The following KCNAB1 variants were observed in gnomAD, a reference collection of about 807,000 sequenced individuals.
KCNAB1 encodes the protein potassium voltage-gated channel subfamily A regulatory beta subunit 1.
KCNAB1 carries 35 observed loss-of-function variants against 64.6 expected under a neutral mutation model. The ratio of observed to expected loss-of-function variants is 0.54; its 90% confidence interval spans 0.41 to 0.72. The LOEUF (loss-of-function observed/expected upper bound fraction) is 0.72. Ranked by LOEUF, KCNAB1 falls within the 30% of genes least tolerant of loss-of-function variation. The pLI, the probability that KCNAB1 is intolerant of heterozygous loss-of-function variation, is 0.00. For synonymous variants in KCNAB1, 177 were observed against 183.8 expected (o/e 0.96, Z 0.30); for missense variants, 401 against 512.9 (o/e 0.78, Z 2.11).
intron 1 of KCNAB1, among the ~76,000 whole-genome samples, chr3:156,151,429 GTTAT>G (rs571965583): frequency 1.4e-3 from 216 of 152,258 alleles, no homozygotes; most frequent in African/African-American, 5.0e-3. Flanking sequence ...GGGAGTACAG[GTTAT>G]TTTTAGACAA....
chr3:156,465,893 G>A (rs1040288899), intron 7 of KCNAB1, among the ~76,000 whole-genome samples: 3 of 152,106 alleles, frequency 2.0e-5, no homozygotes, highest in African/African-American at 4.8e-5. Context: ...AGGCAAAATT[G>A]TATAGAACTC....
At chr3:156,278,792 G>T (rs1719506804) in intron 1 of KCNAB1, among the ~76,000 whole-genome samples, 1 of 151,890 alleles carries the variant, frequency 6.6e-6, no homozygotes, top group Non-Finnish European at 1.5e-5. Context: ...AAAAGTCTCA[G>T]AGACAAAAGT....
At chr3:156,294,912 A>G (rs1259402118) in intron 1 of KCNAB1, among the ~76,000 whole-genome samples, 1 of 152,226 alleles carries the variant, frequency 6.6e-6, no homozygotes, top group Non-Finnish European at 1.5e-5. Context: ...AATGTTGCCT[A>G]GTGAAGAGGT....
chr3:156,417,578 A>T (rs746867878), intron 1 of KCNAB1, among the ~76,000 whole-genome samples: 90 of 152,220 alleles, frequency 5.9e-4, no homozygotes, highest in Non-Finnish European at 9.6e-4. Flanking sequence ...CAAGCCATTT[A>T]AAACAACAAA....
intron 8 of KCNAB1, among the ~76,000 whole-genome samples, chr3:156,510,455 C>G (rs1717130074): frequency 6.6e-6 from 1 of 152,138 alleles, no homozygotes; most frequent in Non-Finnish European, 1.5e-5. Context: ...CCTTCCCAGC[C>G]CCGAGGCCAT....
chr3:156,523,964 G>A lies in KCNAB1; in HGVS notation c.1081+17G>A, dbSNP rs568798759. ...TAGCTGTTGGTAAGAAAATTACTAA[G>A]CTATGGGGTGGTAGAGGGACTTCTG... On this transcript the variant is annotated intron_variant, in intron 12 of 13. Transcript: ENST00000490337. 6 of 1,611,644 alleles carry A rather than the reference G, an allele frequency of 3.7e-6. No homozygotes were observed. The East Asian group carries it at 8.9e-5, about 24-fold the overall frequency.
intron 1 of KCNAB1, among the ~76,000 whole-genome samples, chr3:156,287,349 CA>C (rs1159352986): frequency 0.037 from 2,885 of 77,818 alleles, 38 homozygotes; most frequent in African/African-American, 0.038. Context: ...ACCTCCGTAT[CA>C]AAAAAAAAAA....
At chr3:156,391,334 C>T (rs1255438659) in intron 1 of KCNAB1, among the ~76,000 whole-genome samples, 4 of 152,058 alleles carry the variant, frequency 2.6e-5, no homozygotes, top group African/African-American at 9.7e-5. Flanking sequence ...TGATAAATTC[C>T]TAACATGGTA....
chr3:156,270,260 A>G (rs1197731068), intron 1 of KCNAB1, among the ~76,000 whole-genome samples: 1 of 151,960 alleles, frequency 6.6e-6, no homozygotes, highest in East Asian at 1.9e-4. Context: ...TTTTGACTGG[A>G]GAGTTTAGTC....
rs531726861 is a variant in KCNAB1 at position 156,429,275 on chromosome 3, T to C, written c.319+7616T>C. ...GTGTACCCAGTGCCAGCAGCCATGA[T>C]TCTTATCTACATGGCAGCAGCCGCC... On this transcript the variant is annotated intron_variant, in intron 2 of 13. Coordinates refer to ENST00000490337, the MANE Select transcript of KCNAB1 (RefSeq NM_172160.3). Among the ~76,000 whole-genome samples, 627 of 152,288 alleles carry C rather than the reference T, an allele frequency of 4.1e-3. 4 individuals carry two copies. The highest frequency in any genetic ancestry group is 0.015 in the African/African-American group (609 of 41,562).
chr3:156,536,586 A>C (rs1323613771), intron 13 of KCNAB1, 72 bp from the exon 14 acceptor site: 5 of 1,034,816 alleles, frequency 4.8e-6, no homozygotes, highest in Non-Finnish European at 7.6e-6. Flanking sequence ...TACTTTGCTA[A>C]ATATAGAGCA....
chr3:156,200,250 T>C (rs1263958891), intron 1 of KCNAB1, among the ~76,000 whole-genome samples: 3 of 152,322 alleles, frequency 2.0e-5, no homozygotes, highest in South Asian at 2.1e-4. Context: ...CTGTATGAGG[T>C]GTCTGTTGAC....
At position 156,421,637 on chromosome 3, in the gene KCNAB1, C is replaced by G. The variant is rs768269141; in HGVS notation, c.297C>G (p.Leu99=). 1 of 1,613,960 alleles carries G rather than the reference C, an allele frequency of 6.2e-7. No individual in the cohort carries two copies. The highest frequency in any genetic ancestry group is 8.5e-7 in the Non-Finnish European group (1 of 1,179,904). ...ATAGGAATCTTGGAAAATCAGGACTCAGAGTTTCTTGCTTGGGTCTTGGTA... is the reference window on the plus strand; with the variant it reads ...ATAGGAATCTTGGAAAATCAGGACTGAGAGTTTCTTGCTTGGGTCTTGGTA... ...MPHRNLGKSG[L]RVSCLGLGTW... is the part of the protein sequence containing the mutation. Residue 99 remains leucine, a synonymous_variant, in exon 2 of 14, where the codon CTC becomes CTG. Coordinates refer to ENST00000490337, the MANE Select transcript of KCNAB1 (RefSeq NM_172160.3).
chr3:156,206,056 T>C (rs978472510), intron 1 of KCNAB1, among the ~76,000 whole-genome samples: 1 of 152,224 alleles, frequency 6.6e-6, no homozygotes, highest in African/African-American at 2.4e-5. Context: ...AAGAATCAGG[T>C]AAAACATCAC....
intron 1 of KCNAB1, among the ~76,000 whole-genome samples, chr3:156,129,457 C>T (rs1713869075): frequency 6.6e-6 from 1 of 152,142 alleles, no homozygotes; most frequent in Non-Finnish European, 1.5e-5. Flanking sequence ...GATGTTGTGC[C>T]TCTTGCCTCC....
At chr3:156,435,599 C>T (rs934945721) in intron 2 of KCNAB1, among the ~76,000 whole-genome samples, 1 of 152,158 alleles carries the variant, frequency 6.6e-6, no homozygotes, top group African/African-American at 2.4e-5. Context: ...TGGTGAACCA[C>T]ATCATCTAGC....
intron 1 of KCNAB1, among the ~76,000 whole-genome samples, chr3:156,133,546 G>A (rs1386472274): frequency 6.6e-6 from 1 of 152,182 alleles, no homozygotes; most frequent in African/African-American, 2.4e-5. Context: ...AAGGAAGTTT[G>A]AGCATCTACC....
chr3:156,363,510 C>G (rs1347748969), intron 1 of KCNAB1, among the ~76,000 whole-genome samples: 1 of 150,742 alleles, frequency 6.6e-6, no homozygotes, highest in Non-Finnish European at 1.5e-5. Context: ...GCGTCTTGCT[C>G]TGTTGCCCAG....
chr3:156,457,238 A>G (rs1021680021), intron 3 of KCNAB1: 2 of 1,350,732 alleles, frequency 1.5e-6, no homozygotes, highest in Non-Finnish European at 1.9e-6. Context: ...CCAGCCTTCA[A>G]GTAACCCCTC....
Sources: allele counts gnomAD v4.1 joint callset (sites outside exome capture counted in the v4.1 genomes callset), GRCh38; gene constraint gnomAD v4.1.1; transcripts MANE v1.5; gene names NCBI Gene and HGNC (gene_info 2026-07-23, HGNC 2026-07-21).